Variants in ABCC2 observed in about 807,000 individuals in gnomAD.
ABCC2 encodes ATP binding cassette subfamily C member 2.
In ABCC2, 157 loss-of-function variants were observed where a neutral mutation model predicts 173.4. That is an observed-to-expected ratio of 0.91 (90% confidence interval 0.80 to 1.03). The LOEUF is 1.03. Ranked by LOEUF, ABCC2 falls within the 50% of genes least tolerant of loss-of-function variation. The pLI, the probability that ABCC2 is intolerant of heterozygous loss-of-function variation, is 0.00. For missense variants in ABCC2, 1,822 were observed against 1,852.3 expected, an observed-to-expected ratio of 0.98 and a Z score of 0.30; for synonymous variants, 657 against 693.5, an observed-to-expected ratio of 0.95 and a Z score of 0.83.
At chr10:99,817,520 G>A (rs17216268) in intron 17 of ABCC2, 36 bp downstream of exon 17, 1 of 1,607,478 alleles carries the variant, frequency 6.2e-7, no homozygotes, top group East Asian at 2.2e-5. Flanking sequence ...AAGGGTGAAG[G>A]CATATTGAAG....
rs2038979795 is a variant in ABCC2 at position 99,843,878 on chromosome 10, A to G, written c.3821A>G (p.Glu1274Gly). 1 of 1,614,154 alleles carries G rather than the reference A, an allele frequency of 6.2e-7. No individual in the cohort carries two copies. Among genetic ancestry groups the G allele is most frequent in the Non-Finnish European group, 8.5e-7 (1 of 1,179,958 alleles). ...TNIVAVERIT[E>G]YTKVENEAPW... Reference sequence around the variant, plus strand: ...ATTGTGGCTGTTGAGCGAATAACTGAGTACACAAAAGTGGAAAATGAGGTA... The same window carrying G: ...ATTGTGGCTGTTGAGCGAATAACTGGGTACACAAAAGTGGAAAATGAGGTA... Residue 1274 changes from glutamate to glycine, a missense_variant, in exon 27 of 32, where the codon GAG becomes GGG. Glu to Gly is a moderately conservative substitution (Grantham distance 98). Coordinates refer to ENST00000647814, the MANE Select transcript of ABCC2 (RefSeq NM_000392.5).
chr10:99,843,519 C>G (rs1308011673), intron 26 of ABCC2, among the ~76,000 whole-genome samples: 2 of 152,240 alleles, frequency 1.3e-5, no homozygotes, highest in Non-Finnish European at 2.9e-5. Context: ...TCCCACTCCA[C>G]CCATTGCCAG....
rs1465745777 is a variant in ABCC2 at position 99,841,903 on chromosome 10, A to G, written c.3615-64A>G. ...CTCTGAGAATGTTCTGTGAACGCCA[A>G]GGTTGCTGGTTAAGATGAGGACGTG... On this transcript the variant is annotated intron_variant, in intron 25 of 31. Transcript: ENST00000647814. 7.4e-6 allele frequency: 12 copies of G among 1,612,732 alleles called. No homozygotes were observed. In the East Asian group the frequency reaches 2.7e-4, roughly 36 times the overall value.
chr10:99,832,232 A>G, intron 23 of ABCC2, 101 bp downstream of exon 23: 1 of 1,463,170 alleles, frequency 6.8e-7, no homozygotes, highest in Non-Finnish European at 9.5e-7. Context: ...GTTCAGTTCC[A>G]GTTCTTTTGT....
intron 2 of ABCC2, among the ~76,000 whole-genome samples, chr10:99,786,158 G>T (rs1456604923): frequency 6.6e-6 from 1 of 152,144 alleles, no homozygotes; most frequent in Non-Finnish European, 1.5e-5. Context: ...AATAGTGGTT[G>T]ATTCAAGAGT....
At chr10:99,842,866 A>G (rs1208895503) in intron 26 of ABCC2, among the ~76,000 whole-genome samples, 2 of 152,126 alleles carry the variant, frequency 1.3e-5, no homozygotes, top group Non-Finnish European at 2.9e-5. Flanking sequence ...CCTGGCCAAC[A>G]TGGTGAAACC....
At chr10:99,802,887 A>G (rs1285671374) in intron 9 of ABCC2, among the ~76,000 whole-genome samples, 1 of 152,214 alleles carries the variant, frequency 6.6e-6, no homozygotes, top group Non-Finnish European at 1.5e-5. Context: ...CCTCTCTAAC[A>G]TGAGAACAGG....
chr10:99,808,282 G>T, intron 13 of ABCC2, 53 bp downstream of exon 13: 2 of 1,603,614 alleles, frequency 1.2e-6, no homozygotes, highest in East Asian at 4.5e-5. Context: ...AAGCCTTGGA[G>T]TCCAGAATGA....
intron 2 of ABCC2, chr10:99,789,461 T>C (rs2037775465): frequency 6.6e-6 from 1 of 152,258 alleles, no homozygotes; most frequent in Non-Finnish European, 1.5e-5. Flanking sequence ...ACGTCTGTAA[T>C]CCCAGCACTT....
At chr10:99,813,868 C>T (rs749924154) in intron 16 of ABCC2, among the ~76,000 whole-genome samples, 14 of 152,118 alleles carry the variant, frequency 9.2e-5, no homozygotes, top group Admixed American at 2.6e-4. Context: ...AAACTACCAA[C>T]AGAAACAATA....
rs149864609 is a variant in ABCC2, at chr10:99,801,139, A to T, written c.1209+576A>T. Among the ~76,000 whole-genome samples the T allele has an allele frequency of 2.3e-3, 355 of 152,238 alleles. 1 individual carries two copies. Among genetic ancestry groups the T allele is most frequent in the South Asian group, 3.9e-3 (19 of 4,818 alleles). On this transcript the variant is annotated intron_variant, in intron 9 of 31. Coordinates refer to ENST00000647814, the MANE Select transcript of ABCC2 (RefSeq NM_000392.5). ...TCAGTTTGTAAATACATTCATGCTG[A>T]TTACTGAGTTCTGCAGACCTGGAAG...
chr10:99,787,599 G>A (rs2037738675), intron 2 of ABCC2, among the ~76,000 whole-genome samples: 1 of 152,158 alleles, frequency 6.6e-6, no homozygotes. Context: ...ACATCTCACT[G>A]AGTTGCTTTG....
At position 99,830,804 on chromosome 10, in the gene ABCC2, G is replaced by C. The variant is rs535593521; in HGVS notation, c.2836G>C (p.Val946Leu). The change falls in exon 21 of 32, where the codon GTG (valine) becomes CTG (leucine). Residue 946 changes from valine (V) to leucine (L), a missense_variant. Physicochemically the swap from Val to Leu is conservative, Grantham distance 32. Coordinates refer to ENST00000647814, the MANE Select transcript of ABCC2 (RefSeq NM_000392.5). ...TAGCCTGAAGGAAGACGAAGAACTA[G>C]TGAAAGGACAAAAACTAATTAAGAA... is the stretch of plus-strand genomic sequence containing the variant. ...VNSLKEDEELVKGQKLIKKEF... is the reference protein window; with the variant it reads ...VNSLKEDEELLKGQKLIKKEF... 5 of 1,614,120 alleles carry C rather than the reference G, an allele frequency of 3.1e-6. No homozygotes were observed. The highest frequency in any genetic ancestry group is 4.2e-6 in the Non-Finnish European group (5 of 1,179,994).
chr10:99,848,451 C>A (rs887950893), intron 30 of ABCC2, among the ~76,000 whole-genome samples: 1 of 152,204 alleles, frequency 6.6e-6, no homozygotes, highest in Non-Finnish European at 1.5e-5. Context: ...GGTCTTGCTC[C>A]TGCCCCAGGG....
intron 2 of ABCC2, among the ~76,000 whole-genome samples, chr10:99,785,418 T>C (rs946370179): frequency 2.0e-5 from 3 of 152,192 alleles, no homozygotes; most frequent in African/African-American, 7.2e-5. Flanking sequence ...GGGAAGGGTC[T>C]TGTGGGAACC....
chr10:99,812,632 A>G (rs1162461637), intron 15 of ABCC2, among the ~76,000 whole-genome samples: 2 of 152,234 alleles, frequency 1.3e-5, no homozygotes, highest in African/African-American at 4.8e-5. Flanking sequence ...GTGACCTTCC[A>G]AGATAACATA....
At chr10:99,810,847 A>G (rs1236277404) in intron 14 of ABCC2, among the ~76,000 whole-genome samples, 2 of 152,144 alleles carry the variant, frequency 1.3e-5, no homozygotes, top group South Asian at 2.1e-4. Context: ...CAACATGGAG[A>G]AACCCTGTCT....
chr10:99,820,585 C>T (rs1254491700), intron 19 of ABCC2, among the ~76,000 whole-genome samples: 1 of 152,154 alleles, frequency 6.6e-6, no homozygotes, highest in Non-Finnish European at 1.5e-5. Context: ...TAGTGAAACC[C>T]CATCTCTGCT....
Position 99,851,725 on chromosome 10 carries a change from T to C in ABCC2, c.*94T>C, listed in dbSNP as rs1413026028. On this transcript the variant is annotated 3_prime_UTR_variant, in exon 32 of 32. Coordinates refer to ENST00000647814, the MANE Select transcript of ABCC2 (RefSeq NM_000392.5). ...TACAGAATACATACAAAAGTGTGTA[T>C]AAAATGTACGTTTTAAAAAAGGATA... is the stretch of plus-strand genomic sequence containing the variant. 7 of 1,269,170 alleles carry C rather than the reference T, an allele frequency of 5.5e-6. No homozygotes were observed. The African/African-American group carries it at 7.6e-5, about 14-fold the overall frequency. 78.6% of individuals were successfully genotyped at this position (1,269,170 alleles called of 1,614,324 possible). A position where few individuals can be genotyped will look rare whatever the true frequency, so the allele number is the denominator to read the frequency against.
Sources: allele counts gnomAD v4.1 joint callset (sites outside exome capture counted in the v4.1 genomes callset), GRCh38; gene constraint gnomAD v4.1.1; transcripts MANE v1.5; gene names NCBI Gene and HGNC (gene_info 2026-07-23, HGNC 2026-07-21).